SLA2: variants seen among roughly 807,000 people sequenced by gnomAD.
SLA2 encodes the protein src-like-adapter 2.
In SLA2, 22 loss-of-function variants were observed where a neutral mutation model predicts 27.3. The observed-to-expected ratio is 0.81, with a 90% CI of 0.58 to 1.15. The LOEUF is 1.15. Among genes scored for constraint, SLA2 ranks in the 50% most tolerant of loss-of-function variants. SLA2 has a pLI of 0.00. For missense variants in SLA2, 304 were observed against 322.2 expected, an observed-to-expected ratio of 0.94 and a Z score of 0.43; for synonymous variants, 131 against 137.8, an observed-to-expected ratio of 0.95 and a Z score of 0.34.
Position 36,614,414 on chromosome 20 carries a change from GGCA to G in SLA2, c.553_555del (p.Cys185del). 1 of 1,611,328 alleles carries G rather than the reference GGCA, an allele frequency of 6.2e-7. No individual in the cohort carries two copies. The highest frequency in any genetic ancestry group is 8.5e-7 in the Non-Finnish European group (1 of 1,178,582). On this transcript the variant is annotated inframe_deletion, in exon 7 of 8. Transcript: ENST00000262866. ...TGCAGGACACAGGGCTCCTTGAGTA[GGCA>G]GCAGATGTCATCCGCCAGCTCTGAG...
In SLA2 at chr20:36,638,101, C is replaced by G. The variant is rs989871002; in HGVS notation, c.91+3144G>C. ...AGAGACGGGGTTTCACTATGTTGGT[C>G]AGGTTGGTCTTGAACTCCTGACCTC... is the stretch of plus-strand genomic sequence containing the variant. On this transcript the variant is annotated intron_variant, in intron 2 of 7. Coordinates refer to ENST00000262866, the MANE Select transcript of SLA2 (RefSeq NM_032214.4). Among the ~76,000 whole-genome samples the G allele has an allele frequency of 3.3e-5, 5 of 151,670 alleles. 1 individual carries two copies. The highest frequency in any genetic ancestry group is 5.9e-5 in the Non-Finnish European group (4 of 67,944).
intron 5 of SLA2, among the ~76,000 whole-genome samples, chr20:36,617,319 C>G (rs2147977390): frequency 6.6e-6 from 1 of 150,414 alleles, no homozygotes; most frequent in South Asian, 2.1e-4. Context: ...GAGCCGAGAT[C>G]ACACCACTGC....
At chr20:36,638,449 C>A (rs1046414564) in intron 2 of SLA2, among the ~76,000 whole-genome samples, 3 of 152,016 alleles carry the variant, frequency 2.0e-5, no homozygotes, top group African/African-American at 7.2e-5. Context: ...CTGTCTCAGC[C>A]TCCAGAGTAG....
intron 2 of SLA2, among the ~76,000 whole-genome samples, chr20:36,640,291 C>T (rs940596619): frequency 1.3e-5 from 2 of 151,998 alleles, no homozygotes; most frequent in South Asian, 2.1e-4. Flanking sequence ...AGAGCAAAAC[C>T]ATGTATTAAA....
intron 6 of SLA2, chr20:36,614,880 T>C (rs2039189660): frequency 3.0e-6 from 3 of 985,194 alleles, no homozygotes; most frequent in South Asian, 4.7e-5. Context: ...CACCAGGAAG[T>C]ACTAAGGAGA....
At chr20:36,636,427 C>CAAAAAAAAAAAAAAAA (rs71186007) in intron 2 of SLA2, among the ~76,000 whole-genome samples, 1 of 61,436 alleles carries the variant, frequency 1.6e-5, no homozygotes, top group African/African-American at 7.0e-5. Context: ...GACTCCGTCT[C>CAAAAAAAAAAAAAAAA]AAAAAAAAAA....
chr20:36,638,341 T>C (rs1184331473), intron 2 of SLA2, among the ~76,000 whole-genome samples: 1 of 150,072 alleles, frequency 6.7e-6, no homozygotes, highest in Non-Finnish European at 1.5e-5. Context: ...TTGTTTTGTT[T>C]TGTTTGAGAC....
chr20:36,639,170 C>T (rs148180830), intron 2 of SLA2, among the ~76,000 whole-genome samples: 2,756 of 152,248 alleles, frequency 0.018, 34 homozygotes, highest in Middle Eastern at 0.031. Context: ...ATCAGTAGAA[C>T]GAGTAATGCA....
In SLA2 at chr20:36,612,375, A is replaced by G; in HGVS notation, c.*1491T>C. 1 of 718,214 alleles carries G rather than the reference A, an allele frequency of 1.4e-6. No individual in the cohort carries two copies. Among genetic ancestry groups the G allele is most frequent in the East Asian group, 2.6e-5 (1 of 38,164 alleles). 44.5% of individuals were successfully genotyped at this position (718,214 alleles called of 1,614,324 possible). A position where few individuals can be genotyped will look rare whatever the true frequency, so the allele number is the denominator to read the frequency against. On this transcript the variant is annotated 3_prime_UTR_variant, in exon 8 of 8. Transcript: ENST00000262866. ...CACCTCTGGATTCAGATGAAACATT[A>G]AATTGTCTTCCTCGATTCTCCATCG...
At chr20:36,616,771 C>A (rs1247329358) in intron 5 of SLA2, among the ~76,000 whole-genome samples, 2 of 152,198 alleles carry the variant, frequency 1.3e-5, no homozygotes, top group Non-Finnish European at 2.9e-5. Context: ...GTGAACCACC[C>A]CGTGCCTGGC....
chr20:36,623,160 T>C (rs2039302125), intron 5 of SLA2, among the ~76,000 whole-genome samples: 1 of 149,832 alleles, frequency 6.7e-6, no homozygotes, highest in Admixed American at 6.8e-5. Flanking sequence ...TCTCAGGTAC[T>C]CCAGAGGCTG....
In SLA2 at chr20:36,613,992, G is replaced by C; in HGVS notation, c.666-6C>G. On this transcript the variant is annotated splice_polypyrimidine_tract_variant and splice_region_variant and intron_variant, in intron 7 of 7. Transcript: ENST00000262866. ...CTTCAGAAAACAGGAGGGAGCTGTGGACAAAGGAAGATAATTGGGTCAAGA... is the reference window on the plus strand; with the variant it reads ...CTTCAGAAAACAGGAGGGAGCTGTGCACAAAGGAAGATAATTGGGTCAAGA... 1 of 1,613,460 alleles carries C rather than the reference G, an allele frequency of 6.2e-7. No individual in the cohort carries two copies. Among genetic ancestry groups the C allele is most frequent in the South Asian group, 1.1e-5 (1 of 91,056 alleles).
chr20:36,645,326 C>T (rs907267611), intron 1 of SLA2, among the ~76,000 whole-genome samples: 1 of 151,646 alleles, frequency 6.6e-6, no homozygotes, highest in Non-Finnish European at 1.5e-5. Context: ...ATAATTACGC[C>T]GCTGCACTCC....
intron 2 of SLA2, among the ~76,000 whole-genome samples, chr20:36,635,475 G>C (rs1293973032): frequency 6.6e-6 from 1 of 151,590 alleles, no homozygotes; most frequent in African/African-American, 2.4e-5. Flanking sequence ...GACAAGGATG[G>C]GGGTGTTGGG....
Position 36,613,771 on chromosome 20 carries a change from CCT to C in SLA2, c.*93_*94del. On this transcript the variant is annotated 3_prime_UTR_variant, in exon 8 of 8. Coordinates refer to ENST00000262866, the MANE Select transcript of SLA2 (RefSeq NM_032214.4). The stretch of plus-strand genomic sequence containing the variant: ...GCACCTCTGTGTCCCACCCTCCCTC[CCT>C]GAGTGCACAGCCTTGCCTCTGGGGT... 1 of 802,454 alleles carries C rather than the reference CCT, an allele frequency of 1.2e-6. No individual in the cohort carries two copies. Among genetic ancestry groups the C allele is most frequent in the Non-Finnish European group, 1.9e-6 (1 of 526,088 alleles). The allele number at this position is 802,454 out of a possible 1,614,324, so 49.7% of individuals were successfully genotyped here. A position where few individuals can be genotyped will look rare whatever the true frequency, so the allele number is the denominator to read the frequency against.
chr20:36,614,637 C>T, intron 6 of SLA2, 200 bp from the exon 7 acceptor site: 1 of 985,418 alleles, frequency 1.0e-6, no homozygotes, highest in Non-Finnish European at 1.2e-6. Flanking sequence ...GAGACAGTCA[C>T]TGTATGATTT....
At chr20:36,619,859 C>G (rs1287241935) in intron 5 of SLA2, among the ~76,000 whole-genome samples, 2 of 150,776 alleles carry the variant, frequency 1.3e-5, no homozygotes, top group African/African-American at 4.9e-5. Flanking sequence ...GTCTCGATCT[C>G]CTGACCTTGT....
rs1254111217 is a variant in SLA2, at chr20:36,613,805, GA to G, written c.*60del. ...ACAGCCTTGCCTCTGGGGTGCCCAGGAGGCTGAATTGGGGTTCTAGGTGTGC... is the reference window on the plus strand; with the variant it reads ...ACAGCCTTGCCTCTGGGGTGCCCAGGGGCTGAATTGGGGTTCTAGGTGTGC... On this transcript the variant is annotated 3_prime_UTR_variant, in exon 8 of 8. Coordinates refer to ENST00000262866, the MANE Select transcript of SLA2 (RefSeq NM_032214.4). 7.4e-7 allele frequency: 1 copy of G among 1,347,194 alleles called. No individual in the cohort carries two copies. 83.5% of individuals were successfully genotyped at this position (1,347,194 alleles called of 1,614,324 possible).
intron 5 of SLA2, among the ~76,000 whole-genome samples, chr20:36,632,344 A>G (rs564805942): frequency 3.3e-5 from 5 of 152,086 alleles, no homozygotes; most frequent in African/African-American, 1.2e-4. Context: ...CTATTCCTCC[A>G]TGAAGCCTCC....
Sources: gnomAD v4.1 joint callset for allele counts (sites outside exome capture counted in the v4.1 genomes callset) on GRCh38, gnomAD v4.1.1 for gene constraint, MANE v1.5 for transcripts, NCBI Gene and HGNC (gene_info 2026-07-23, HGNC 2026-07-21) for gene names.